SULT1E1: variants seen among roughly 807,000 people sequenced by gnomAD.
SULT1E1 encodes the protein sulfotransferase family 1E member 1.
In SULT1E1, 36 loss-of-function variants were observed where a neutral mutation model predicts 33.6. That is an observed-to-expected ratio of 1.07 (90% CI 0.82 to 1.41). SULT1E1 has a LOEUF of 1.41. Ranked by LOEUF, SULT1E1 falls within the 40% of genes most tolerant of loss-of-function variation. The pLI, the probability that SULT1E1 is intolerant of heterozygous loss-of-function variation, is 0.00. For missense variants in SULT1E1, 371 were observed against 345.7 expected, an observed-to-expected ratio of 1.07 and a Z score of -0.58; for synonymous variants, 121 against 111.7, an observed-to-expected ratio of 1.08 and a Z score of -0.53.
chr4:69,846,246 G>A lies in SULT1E1; in HGVS notation c.591+1452C>T, dbSNP rs1461801297. Among the ~76,000 whole-genome samples, 5 of 124,932 alleles carry A rather than the reference G, an allele frequency of 4.0e-5. No individual in the cohort carries two copies. In the East Asian group the frequency reaches 1.2e-3, roughly 31 times the overall value. The allele number at this position is 124,932 out of a possible 152,430, so 82.0% of individuals were successfully genotyped here. On this transcript the variant is annotated intron_variant, in intron 6 of 7. Transcript: ENST00000226444. ...AAATAGAACATTCACAGTTTTCTTA[G>A]TTTTTTTTTCTTTTGAGTTCCCTTC...
rs143901684 is a variant in SULT1E1, at chr4:69,855,470, A to C, written c.146-44T>G. The C allele has an allele frequency of 7.0e-6, 11 of 1,573,858 alleles. No individual in the cohort carries two copies. The East Asian group carries it at 2.2e-4, about 32-fold the overall frequency. ...CCTGAGTCTCCTGCTGACCCTGTAG[A>C]GTTGATGACATTAGTGCTGCATTTA... On this transcript the variant is annotated intron_variant, in intron 2 of 7. Coordinates refer to ENST00000226444, the MANE Select transcript of SULT1E1 (RefSeq NM_005420.3).
At chr4:69,858,807 T>C (rs777413854) in intron 1 of SULT1E1, among the ~76,000 whole-genome samples, 88 of 152,164 alleles carry the variant, frequency 5.8e-4, no homozygotes, top group Admixed American at 2.6e-3. Context: ...AAGAAATGTG[T>C]ATAAAATGCA....
intron 6 of SULT1E1, among the ~76,000 whole-genome samples, chr4:69,847,400 A>ATGTG (rs113502821): frequency 1.3e-5 from 2 of 150,012 alleles, no homozygotes; most frequent in African/African-American, 4.9e-5. Context: ...TTGTGTGTGA[A>ATGTG]TGTGTGTGTG....
the SULT1E1 span, among the ~76,000 whole-genome samples, chr4:69,830,319 T>C: frequency 2.0e-5 from 3 of 152,260 alleles, no homozygotes; most frequent in African/African-American, 4.8e-5. Context: ...GTAGCATTCA[T>C]GCTCATGAAA....
chr4:69,839,610 A>C (rs1034097012), downstream of SULT1E1, among the ~76,000 whole-genome samples: 5 of 152,226 alleles, frequency 3.3e-5, no homozygotes, highest in Non-Finnish European at 5.9e-5. Context: ...TATAATTATT[A>C]GGAAATATTA....
At chr4:69,826,787 T>G in the SULT1E1 span, among the ~76,000 whole-genome samples, 1 of 152,124 alleles carries the variant, frequency 6.6e-6, no homozygotes, top group Admixed American at 6.5e-5. Flanking sequence ...GGAAGGCAAA[T>G]GGAGCAAAAT....
At chr4:69,832,865 G>C in the SULT1E1 span, among the ~76,000 whole-genome samples, 1 of 152,142 alleles carries the variant, frequency 6.6e-6, no homozygotes, top group African/African-American at 2.4e-5. Context: ...CATGGGATTC[G>C]AGGGGGAAGT....
intron 6 of SULT1E1, among the ~76,000 whole-genome samples, chr4:69,845,846 G>T (rs1199085094): frequency 6.6e-6 from 1 of 150,800 alleles, no homozygotes; most frequent in African/African-American, 2.4e-5. Flanking sequence ...CACAGTATTG[G>T]ATAATATAAT....
downstream of SULT1E1, among the ~76,000 whole-genome samples, chr4:69,837,606 C>A (rs537922680): frequency 1.3e-5 from 2 of 152,192 alleles, no homozygotes; most frequent in African/African-American, 4.8e-5. Context: ...TTTGCCACTT[C>A]TCAGCATTAT....
the SULT1E1 span, among the ~76,000 whole-genome samples, chr4:69,822,248 A>G: frequency 5.3e-5 from 8 of 152,188 alleles, no homozygotes; most frequent in African/African-American, 1.9e-4. Context: ...GGTAGGTACT[A>G]TTATTACCAT....
chr4:69,838,861 G>A (rs72648481), downstream of SULT1E1, among the ~76,000 whole-genome samples: 18,655 of 152,162 alleles, frequency 0.12, 1,250 homozygotes, highest in Middle Eastern at 0.18. Context: ...CCCTTTATAA[G>A]AAAGTCCCAA....
chr4:69,852,662 G>T (rs1373810719), intron 4 of SULT1E1, among the ~76,000 whole-genome samples: 2 of 151,962 alleles, frequency 1.3e-5, no homozygotes, highest in Non-Finnish European at 1.5e-5. Context: ...TTGCATAAAG[G>T]ATATTTACAA....
the SULT1E1 span, among the ~76,000 whole-genome samples, chr4:69,821,890 A>C: frequency 6.6e-6 from 1 of 152,246 alleles, no homozygotes; most frequent in Non-Finnish European, 1.5e-5. Context: ...CATAACCATT[A>C]CATTGAGGTT....
At chr4:69,840,936 C>T (rs909519413), downstream of SULT1E1, among the ~76,000 whole-genome samples, 1 of 151,988 alleles carries the variant, frequency 6.6e-6, no homozygotes, top group Admixed American at 6.6e-5. Context: ...GTCCCAGCTA[C>T]TTGGAAGGCT....
chr4:69,830,453 CAA>C, the SULT1E1 span, among the ~76,000 whole-genome samples: 5 of 152,230 alleles, frequency 3.3e-5, no homozygotes, highest in African/African-American at 1.2e-4. Flanking sequence ...AAATGCCTCA[CAA>C]AGTCTTTCGT....
intron 4 of SULT1E1, among the ~76,000 whole-genome samples, chr4:69,850,561 T>C (rs576918810): frequency 6.6e-6 from 1 of 152,190 alleles, no homozygotes; most frequent in Admixed American, 6.6e-5. Flanking sequence ...AAGTGAACAT[T>C]TTTCATATAA....
chr4:69,833,081 T>C, the SULT1E1 span, among the ~76,000 whole-genome samples: 1 of 152,178 alleles, frequency 6.6e-6, no homozygotes, highest in African/African-American at 2.4e-5. Flanking sequence ...TATTTTGCTT[T>C]TCTTTCTTTA....
the SULT1E1 span, among the ~76,000 whole-genome samples, chr4:69,828,487 C>T: frequency 2.6e-5 from 4 of 152,236 alleles, no homozygotes; most frequent in African/African-American, 4.8e-5. Flanking sequence ...CTGAAGTCAG[C>T]GAGACCACAA....
chr4:69,848,419 A>G (rs1003519237), intron 5 of SULT1E1, among the ~76,000 whole-genome samples: 2 of 151,832 alleles, frequency 1.3e-5, no homozygotes, highest in Non-Finnish European at 3.0e-5. Flanking sequence ...TTCATAAAAT[A>G]TAAAGCTGAC....
Sources: allele counts gnomAD v4.1 joint callset (sites outside exome capture counted in the v4.1 genomes callset), GRCh38; gene constraint gnomAD v4.1.1; transcripts MANE v1.5; gene names NCBI Gene and HGNC (gene_info 2026-07-23, HGNC 2026-07-21).